Variants in PLEC observed in about 807,000 individuals in gnomAD.
The protein encoded by PLEC is plectin, also known as hemidesmosomal protein 1.
A neutral mutation model predicts 392.8 loss-of-function variants in PLEC; 216 were observed. That is an observed-to-expected ratio of 0.55 (90% CI 0.49 to 0.62). The LOEUF is 0.62. PLEC is among the 20% of genes least tolerant of loss of function. PLEC has a pLI of 0.00. For missense variants in PLEC, 6,863 were observed against 6,563.4 expected, an observed-to-expected ratio of 1.05 and a Z score of -1.58; for synonymous variants, 3,621 against 2,980.6, an observed-to-expected ratio of 1.21 and a Z score of -7.00.
rs1554721732 is a variant in PLEC at position 143,935,017 on chromosome 8, C to A, written c.819G>T (p.Arg273Ser). Reference sequence around the variant, plus strand: ...CTCCGGGCCCCCCACTCACGTTGGCCCTCACCCCATCCTGCACGTCCGGCA... The same window carrying A: ...CTCCGGGCCCCCCACTCACGTTGGCACTCACCCCATCCTGCACGTCCGGCA... Reference protein sequence around the residue: ...PRVPDVQDGVRANELQLRWQE... With the variant: ...PRVPDVQDGVSANELQLRWQE... The change falls in exon 8 of 32, where the codon AGG becomes AGT. Residue 273 changes from arginine to serine, a missense_variant. Coordinates refer to ENST00000345136, the MANE Select transcript of PLEC (RefSeq NM_201384.3). 1 of 1,612,562 alleles carries A rather than the reference C, an allele frequency of 6.2e-7. No homozygotes were observed. Among genetic ancestry groups the A allele is most frequent in the South Asian group, 1.1e-5 (1 of 91,082 alleles).
In PLEC at chr8:143,918,396, T is replaced by A. The variant is rs1554675133; in HGVS notation, c.11425A>T (p.Ile3809Phe). The A allele has an allele frequency of 2.6e-6, 4 of 1,565,858 alleles. No homozygotes were observed. The highest frequency in any genetic ancestry group is 3.4e-6 in the Non-Finnish European group (4 of 1,160,858). The change falls in exon 32 of 32, where the codon ATC becomes TTC. Residue 3809 changes from isoleucine to phenylalanine, a missense_variant. By Grantham distance (21) the Ile-to-Phe change is conservative. Coordinates refer to ENST00000345136, the MANE Select transcript of PLEC (RefSeq NM_201384.3). ...LLDAQLATGG[I>F]VDPRLGFHLP... ...TGGAAGCCCAGGCGGGGGTCCACGA[T>A]GCCGCCGGTGGCCAGCTGGGCATCC...
chr8:143,921,169 G>A lies in PLEC; in HGVS notation c.8652C>T (p.Leu2884=). The A allele has an allele frequency of 6.2e-7, 1 of 1,613,860 alleles. No individual in the cohort carries two copies. Among genetic ancestry groups the A allele is most frequent in the Non-Finnish European group, 8.5e-7 (1 of 1,180,030 alleles). Residue 2884 remains leucine (L), a synonymous_variant, in exon 32 of 32, where the codon CTC becomes CTT. Coordinates refer to ENST00000345136, the MANE Select transcript of PLEC (RefSeq NM_201384.3). ...CCCCGCCCTTGGCAGCCTTATCCGT[G>A]AGTGGCAGAAGGCACAGGCCCGTCT... ...DPETGLCLLP[L]TDKAAKGGEL...
chr8:143,965,140 C>T (rs1833028892), intron 1 of PLEC, among the ~76,000 whole-genome samples: 1 of 152,090 alleles, frequency 6.6e-6, no homozygotes, highest in Admixed American at 6.6e-5. Flanking sequence ...CTGGGGCCTT[C>T]CTTTCCTGCA....
At position 143,924,609 on chromosome 8, in the gene PLEC, C is replaced by A; in HGVS notation, c.5320G>T (p.Ala1774Ser). ...MEVLLASKAR[A>S]EEESRSTSEK... is the part of the protein sequence containing the mutation. ...CTGGTGGAGCGCGACTCCTCCTCAG[C>A]CCTCGCCTTGCTGGCCAGCAGCACC... Residue 1774 changes from alanine (A) to serine (S), a missense_variant, in exon 31 of 32, where the codon GCT (alanine) becomes TCT (serine). Physicochemically the swap from Ala to Ser is moderately conservative, Grantham distance 99 (BLOSUM62 1). Transcript: ENST00000345136. 1.9e-6 allele frequency: 3 copies of A among 1,543,052 alleles called. No homozygotes were observed. In the South Asian group the frequency reaches 3.5e-5, roughly 18 times the overall value.
At chr8:143,975,436 AC>A (rs1833629103), upstream of PLEC, 2 of 1,409,248 alleles carry the variant, frequency 1.4e-6, no homozygotes, top group Admixed American at 1.7e-5. This position sits in a 1 kb window ranked among gnomAD's most constrained non-coding sequence, Gnocchi z 9.9. Context: ...CTGCACGCCG[AC>A]CCACCCACCA....
chr8:143,939,734 C>T (rs1463026639), upstream of PLEC: 4 of 1,106,026 alleles, frequency 3.6e-6, no homozygotes, highest in African/African-American at 6.5e-5. Context: ...CCCCCACAGA[C>T]ACGCCCTCGG....
At chr8:143,928,898 C>T (rs1409832157) in intron 25 of PLEC, among the ~76,000 whole-genome samples, 1 of 152,170 alleles carries the variant, frequency 6.6e-6, no homozygotes. Context: ...GGAAGTCCCC[C>T]GGCCGCCACT....
chr8:143,972,505 G>T (rs1426602437), intron 1 of PLEC, among the ~76,000 whole-genome samples: 2 of 152,186 alleles, frequency 1.3e-5, no homozygotes, highest in African/African-American at 4.8e-5. Context: ...GGCACCACGG[G>T]GCCCCAGCAG....
At chr8:143,942,867 C>G (rs1444265388), upstream of PLEC, among the ~76,000 whole-genome samples, 5 of 152,216 alleles carry the variant, frequency 3.3e-5, no homozygotes, top group Non-Finnish European at 5.9e-5. Context: ...GGTGGGCAGA[C>G]AACGCTGGAG....
intron 1 of PLEC, among the ~76,000 whole-genome samples, chr8:143,972,116 G>A (rs1320156292): frequency 3.3e-5 from 5 of 152,228 alleles, no homozygotes; most frequent in Non-Finnish European, 7.3e-5. Flanking sequence ...ATCCTGCACA[G>A]TTCCCGCACT....
intron 19 of PLEC, 48 bp from the exon 20 acceptor site, chr8:143,930,584 G>A: frequency 1.3e-6 from 2 of 1,549,248 alleles, no homozygotes; most frequent in Non-Finnish European, 1.7e-6. Flanking sequence ...AGACCCACAG[G>A]CCTGCCCCAG....
upstream of PLEC, chr8:143,944,018 G>T (rs1381232069): frequency 1.2e-5 from 17 of 1,425,404 alleles, no homozygotes; most frequent in South Asian, 1.8e-4. Flanking sequence ...TGCCCTGCCC[G>T]CAGGACCGCC....
intron 1 of PLEC, chr8:143,946,409 A>G (rs931796304): frequency 2.3e-5 from 30 of 1,286,980 alleles, no homozygotes; most frequent in Non-Finnish European, 3.0e-5. Flanking sequence ...CACACAGGCC[A>G]GGCTGCTCCG....
At chr8:143,945,410 C>CCACAGCCAGG (rs1293313161) in intron 1 of PLEC, 3 of 321,296 alleles carry the variant, frequency 9.3e-6, no homozygotes, top group Admixed American at 4.5e-5. Flanking sequence ...CACAGGCAGG[C>CCACAGCCAGG]CCACAGCATA....
chr8:143,928,874 G>A (rs1436261777), intron 25 of PLEC, among the ~76,000 whole-genome samples: 10 of 152,182 alleles, frequency 6.6e-5, no homozygotes, highest in East Asian at 1.9e-4. Context: ...CCCCACACCC[G>A]AATCTCATCA....
At chr8:143,961,778 C>T (rs942654131) in intron 1 of PLEC, among the ~76,000 whole-genome samples, 1 of 152,174 alleles carries the variant, frequency 6.6e-6, no homozygotes, top group African/African-American at 2.4e-5. Context: ...AACATTAAAT[C>T]ATGAAATTAC....
Position 143,935,299 on chromosome 8 carries a change from T to C in PLEC, c.617A>G (p.Asp206Gly). 1 of 1,605,232 alleles carries C rather than the reference T, an allele frequency of 6.2e-7. No homozygotes were observed. Among genetic ancestry groups the C allele is most frequent in the East Asian group, 2.2e-5 (1 of 44,876 alleles). The stretch of plus-strand genomic sequence containing the variant: ...GGTCTGCCGGTACACCTTGTTCATG[T>C]CGATGAGCAGGGGCCTGGGACAAGC... Reference protein sequence around the residue: ...IIHRHKPLLIDMNKVYRQTNL... With the variant: ...IIHRHKPLLIGMNKVYRQTNL... The change falls in exon 7 of 32, where the codon GAC becomes GGC. Residue 206 changes from aspartate (D) to glycine (G), a missense_variant. Physicochemically the swap from Asp to Gly is moderately conservative, Grantham distance 94. Transcript: ENST00000345136.
At chr8:143,975,997 G>A (rs907237061), upstream of PLEC, among the ~76,000 whole-genome samples, 6 of 152,272 alleles carry the variant, frequency 3.9e-5, no homozygotes, top group East Asian at 1.2e-3. The surrounding 1 kb of genome is among the most constrained non-coding windows in gnomAD (Gnocchi z 9.9). Context: ...CTGGACACCG[G>A]CAGTCCACCT....
chr8:143,966,080 C>G (rs1247984021), intron 1 of PLEC, among the ~76,000 whole-genome samples: 1 of 152,162 alleles, frequency 6.6e-6, no homozygotes, highest in African/African-American at 2.4e-5. Context: ...TCCAATCCGA[C>G]GACACCCCAA....
Sources: gnomAD v4.1 joint callset for allele counts (sites outside exome capture counted in the v4.1 genomes callset) on GRCh38, gnomAD v4.1.1 for gene constraint, Gnocchi (gnomAD v3.1) non-coding constraint, MANE v1.5 for transcripts, NCBI Gene and HGNC (gene_info 2026-07-23, HGNC 2026-07-21) for gene names.